HNRNPD: variants seen among roughly 807,000 people sequenced by gnomAD.
HNRNPD encodes heterogeneous nuclear ribonucleoprotein D0.
In HNRNPD, 3 loss-of-function variants were observed where a neutral mutation model predicts 47.9. The ratio of observed to expected loss-of-function variants is 0.06; its 90% CI spans 0.03 to 0.16. HNRNPD has a LOEUF of 0.16. Ranked by LOEUF, HNRNPD falls within the 10% of genes least tolerant of loss-of-function variation. The pLI, the probability that HNRNPD is intolerant of heterozygous loss-of-function variation, is 1.00. For synonymous variants in HNRNPD, 171 were observed against 165.1 expected (o/e 1.04, Z -0.28); for missense variants, 287 against 454.2 (o/e 0.63, Z 3.35).
intron 2 of HNRNPD, among the ~76,000 whole-genome samples, chr4:82,370,972 G>GTA (rs755438775): frequency 4.7e-4 from 56 of 118,418 alleles, no homozygotes; most frequent in South Asian, 1.6e-3. Flanking sequence ...CCTTTTAATG[G>GTA]TATATATATA....
chr4:82,362,193 T>C (rs1719493090), intron 2 of HNRNPD, among the ~76,000 whole-genome samples: 2 of 152,232 alleles, frequency 1.3e-5, no homozygotes, highest in Admixed American at 6.5e-5. Context: ...CAGGGTCTTC[T>C]AAAATTAGCT....
intron 1 of HNRNPD, among the ~76,000 whole-genome samples, chr4:82,372,400 GA>G (rs567180423): frequency 4.7e-5 from 7 of 150,302 alleles, no homozygotes; most frequent in Non-Finnish European, 1.0e-4. Context: ...GCACCAAAAA[GA>G]AAAAAAAAGT....
intron 2 of HNRNPD, among the ~76,000 whole-genome samples, chr4:82,367,220 T>C (rs367667063): frequency 2.2e-4 from 33 of 152,218 alleles, no homozygotes; most frequent in African/African-American, 7.9e-4. Flanking sequence ...AAGGAAGCAA[T>C]GACATCTTGT....
At chr4:82,357,212 T>G in intron 5 of HNRNPD, 101 bp downstream of exon 5, 1 of 1,337,356 alleles carries the variant, frequency 7.5e-7, no homozygotes, top group Non-Finnish European at 1.0e-6. Context: ...TGAGAAGTTT[T>G]TAAAGCATGC....
Position 82,356,819 on chromosome 4 carries a change from C to G in HNRNPD, c.830G>C (p.Gly277Ala), listed in dbSNP as rs1482719426. Reference sequence around the variant, plus strand: ...ACCACCACCTCTTCCACGAGCTCTTCCTGCAAATCCTCCTCTAGATCCCCA... The same window carrying G: ...ACCACCACCTCTTCCACGAGCTCTTGCTGCAAATCCTCCTCTAGATCCCCA... ...QQWGSRGGFA[G>A]RARGRGGGPS... The change falls in exon 6 of 9, where the codon GGA becomes GCA. Residue 277 changes from glycine to alanine, a missense_variant. Around this residue, in one of 5 missense-constraint regions of HNRNPD, gnomAD observed 65 missense variants for 107.1 expected, o/e 0.61. Transcript: ENST00000313899. 6.2e-6 allele frequency: 10 copies of G among 1,613,986 alleles called. No homozygotes were observed. Among genetic ancestry groups the G allele is most frequent in the Middle Eastern group, 3.3e-4 (2 of 6,082 alleles).
At chr4:82,371,447 G>A (rs550927669) in intron 2 of HNRNPD, 81 bp downstream of exon 2, 3 of 1,085,342 alleles carry the variant, frequency 2.8e-6, no homozygotes, top group South Asian at 1.4e-5. Flanking sequence ...GGGATCAATG[G>A]GCAACTAACC....
At position 82,373,929 on chromosome 4, in the gene HNRNPD, G is replaced by A. The variant is rs2110008463; in HGVS notation, c.-251C>T. 3 of 915,454 alleles carry A rather than the reference G, an allele frequency of 3.3e-6. No homozygotes were observed. Among genetic ancestry groups the A allele is most frequent in the East Asian group, 3.2e-5 (1 of 30,780 alleles). 56.7% of individuals were successfully genotyped at this position (915,454 alleles called of 1,614,324 possible). A position where few individuals can be genotyped will look rare whatever the true frequency, so the allele number is the denominator to read the frequency against. ...CACTAAAAAAGAATAAGCACCAGCG[G>A]CGGCCGCTCTCGCCTCCTCCTCGCT... On this transcript the variant is annotated 5_prime_UTR_variant, in exon 1 of 9. Transcript: ENST00000313899.
In HNRNPD at chr4:82,373,320, G is replaced by C. The variant is rs897757655; in HGVS notation, c.233+126C>G. 7.8e-6 allele frequency: 10 copies of C among 1,289,634 alleles called. No individual in the cohort carries two copies. The South Asian group carries it at 1.2e-4, about 15-fold the overall frequency. The allele number at this position is 1,289,634 out of a possible 1,614,324, so 79.9% of individuals were successfully genotyped here. A position where few individuals can be genotyped will look rare whatever the true frequency, so the allele number is the denominator to read the frequency against. On this transcript the variant is annotated intron_variant, in intron 1 of 8. Coordinates refer to ENST00000313899, the MANE Select transcript of HNRNPD (RefSeq NM_031370.3). ...ACCCAACATAGAAAAAGGGAGACCA[G>C]TGCAAGGAGGCTGCATGGGGGCCCG... is the stretch of plus-strand genomic sequence containing the variant.
At chr4:82,358,518 ATT>A in intron 4 of HNRNPD, 139 bp downstream of exon 4, 1 of 730,222 alleles carries the variant, frequency 1.4e-6, no homozygotes, top group Non-Finnish European at 2.3e-6. Context: ...CTAATGAAGT[ATT>A]TACAATATCC....
intron 1 of HNRNPD, among the ~76,000 whole-genome samples, chr4:82,372,748 A>T (rs1720120499): frequency 6.6e-6 from 1 of 152,186 alleles, no homozygotes; most frequent in African/African-American, 2.4e-5. Flanking sequence ...GAGCAAAACC[A>T]ATGTACCAAC....
rs777203783 is a variant in HNRNPD, at chr4:82,371,541, G to T, written c.277C>A (p.Gln93Lys). The T allele has an allele frequency of 8.7e-6, 14 of 1,612,936 alleles. No individual in the cohort carries two copies. Among genetic ancestry groups the T allele is most frequent in the Non-Finnish European group, 1.1e-5 (13 of 1,179,220 alleles). ...TAAAAGTTTTACCATTCTTCCCGCT[G>T]TGCCGTCGCTGCTTCAGAGTGTCGT... ...SPRHSEAATA[Q>K]REEWKMFIGG... Residue 93 changes from glutamine (Q) to lysine (K), a missense_variant, in exon 2 of 9, where the codon CAG becomes AAG. Around this residue, in one of 5 missense-constraint regions of HNRNPD, gnomAD observed 161 missense variants for 137.1 expected, o/e 1.17. Transcript: ENST00000313899.
intron 5 of HNRNPD, 87 bp from the exon 6 acceptor site, chr4:82,356,982 T>C: frequency 1.8e-6 from 2 of 1,135,284 alleles, no homozygotes; most frequent in Non-Finnish European, 1.3e-6. Context: ...AGCCAACATG[T>C]TTAAATAGAG....
intron 1 of HNRNPD, 124 bp from the exon 2 acceptor site, chr4:82,371,708 T>A (rs1202896799): frequency 1.5e-6 from 1 of 660,810 alleles, no homozygotes; most frequent in Non-Finnish European, 2.6e-6. Context: ...GTCAGCTGCT[T>A]TGCGATTTGA....
In HNRNPD at chr4:82,352,924, T is replaced by C. The variant is rs1560431486; in HGVS notation, c.*1261A>G. 1.3e-5 allele frequency: 2 copies of C among 152,200 alleles called. No homozygotes were observed. The highest frequency in any genetic ancestry group is 1.9e-4 in the East Asian group (1 of 5,200). The allele number at this position is 152,200 out of a possible 1,614,324, so 9.4% of individuals were successfully genotyped here. On this transcript the variant is annotated 3_prime_UTR_variant, in exon 9 of 9. Transcript: ENST00000313899. ...CCATCACTTCACTACTATAGAACTG[T>C]ATAATAATACATTTCTCATTTGTTA...
chr4:82,360,704 A>G (rs1335229211), intron 2 of HNRNPD, among the ~76,000 whole-genome samples: 1 of 152,108 alleles, frequency 6.6e-6, no homozygotes. Flanking sequence ...TCAGCTCTAT[A>G]AAGAAATTAA....
intron 2 of HNRNPD, among the ~76,000 whole-genome samples, chr4:82,370,979 T>TACACACAC (rs72155104): frequency 0.073 from 5,734 of 78,170 alleles, 113 homozygotes; most frequent in Non-Finnish European, 0.1. Context: ...ATGGTATATA[T>TACACACAC]ATACACACAC....
intron 2 of HNRNPD, among the ~76,000 whole-genome samples, chr4:82,365,859 C>A (rs372674341): frequency 8.0e-5 from 12 of 149,572 alleles, no homozygotes; most frequent in African/African-American, 3.0e-4. Flanking sequence ...AATCTGCCCA[C>A]CTCAGCCTCC....
intron 2 of HNRNPD, among the ~76,000 whole-genome samples, chr4:82,369,673 G>A (rs1719937273): frequency 6.7e-6 from 1 of 149,450 alleles, no homozygotes; most frequent in Non-Finnish European, 1.5e-5. Context: ...AGATACGGTG[G>A]GGAGTGCAGA....
Position 82,370,977 on chromosome 4 carries a change from T to TACAC in HNRNPD, c.290+550_290+551insGTGT, listed in dbSNP as rs755789567. On this transcript the variant is annotated intron_variant, in intron 2 of 8. Coordinates refer to ENST00000313899, the MANE Select transcript of HNRNPD (RefSeq NM_031370.3). ...CATTAGCCCACCTTTTAATGGTATA[T>TACAC]ATATACACACACACACACACACACA... is the stretch of plus-strand genomic sequence containing the variant. Among the ~76,000 whole-genome samples the TACAC allele has an allele frequency of 1.6e-3, 54 of 34,538 alleles. 1 individual carries two copies. The highest frequency in any genetic ancestry group is 4.6e-3 in the African/African-American group (47 of 10,276). 22.7% of individuals were successfully genotyped at this position (34,538 alleles called of 152,430 possible). A position where few individuals can be genotyped will look rare whatever the true frequency, so the allele number is the denominator to read the frequency against.
Sources: allele counts gnomAD v4.1 joint callset (sites outside exome capture counted in the v4.1 genomes callset), GRCh38; gene constraint gnomAD v4.1.1; regional missense constraint gnomAD v4.1.1; transcripts MANE v1.5; gene names NCBI Gene and HGNC (gene_info 2026-07-23, HGNC 2026-07-21).